TTC39C: variants seen among roughly 807,000 people sequenced by gnomAD.
The protein encoded by TTC39C is tetratricopeptide repeat protein 39C.
A neutral mutation model predicts 76.3 loss-of-function variants in TTC39C; 33 were observed. That is an observed-to-expected ratio of 0.43 (90% CI 0.33 to 0.58). The LOEUF is 0.58. Among genes scored for constraint, TTC39C ranks in the 20% least tolerant of loss-of-function variants. TTC39C has a pLI of 0.04. For synonymous variants in TTC39C, 254 were observed against 260.6 expected (o/e 0.97, Z 0.24); for missense variants, 595 against 701.4 (o/e 0.85, Z 1.71).
intron 1 of TTC39C, among the ~76,000 whole-genome samples, chr18:24,036,706 C>T (rs2083737211): frequency 6.6e-6 from 1 of 152,176 alleles, no homozygotes; most frequent in Admixed American, 6.5e-5. Flanking sequence ...TCACAGTCTA[C>T]TGCAGTCTTG....
At chr18:24,059,225 CTT>C (rs2084058185) in intron 1 of TTC39C, among the ~76,000 whole-genome samples, 1 of 151,958 alleles carries the variant, frequency 6.6e-6, no homozygotes, top group Admixed American at 6.6e-5. Flanking sequence ...TTTTAAAAAA[CTT>C]TTAAGTTCAG....
Position 24,075,931 on chromosome 18 carries a change from C to T in TTC39C, c.461-4654C>T, listed in dbSNP as rs73404242. ...CTTTCCCAGGGAAGACTTCTGTCCC[C>T]GTATGGGGCAGGGTTTCCTCTCGCC... On this transcript the variant is annotated intron_variant, in intron 4 of 13. Transcript: ENST00000317571. Among the ~76,000 whole-genome samples the T allele has an allele frequency of 7.5e-3, 1,140 of 152,248 alleles. 12 individuals are homozygous for T. Among genetic ancestry groups the T allele is most frequent in the African/African-American group, 0.026 (1,075 of 41,544 alleles).
chr18:24,103,574 G>A (rs537809554), intron 6 of TTC39C, among the ~76,000 whole-genome samples: 2 of 152,290 alleles, frequency 1.3e-5, no homozygotes, highest in South Asian at 2.1e-4. Context: ...CAAGGTCAGC[G>A]TCAGCTTTTA....
At chr18:24,017,075 T>G (rs2083462344) in intron 1 of TTC39C, among the ~76,000 whole-genome samples, 1 of 152,192 alleles carries the variant, frequency 6.6e-6, no homozygotes, top group East Asian at 1.9e-4. Context: ...TGTCATCTGC[T>G]CTGAGACCTT....
intron 4 of TTC39C, among the ~76,000 whole-genome samples, chr18:24,071,215 C>T (rs961631766): frequency 6.6e-6 from 1 of 152,182 alleles, no homozygotes; most frequent in African/African-American, 2.4e-5. Context: ...GTGTGAGCTG[C>T]CGTGCCCAGC....
At chr18:24,025,206 C>T (rs986717138) in intron 1 of TTC39C, among the ~76,000 whole-genome samples, 2 of 152,156 alleles carry the variant, frequency 1.3e-5, no homozygotes, top group African/African-American at 4.8e-5. Flanking sequence ...ATTTTCATGA[C>T]AGAAGTTTCA....
At chr18:24,114,471 G>A in intron 6 of TTC39C, 83 bp from the exon 7 acceptor site, 1 of 1,071,748 alleles carries the variant, frequency 9.3e-7, no homozygotes, top group Non-Finnish European at 1.4e-6. Context: ...TAACTATGAA[G>A]GAAAAAGATG....
At chr18:24,083,418 T>G (rs527575587) in intron 6 of TTC39C, among the ~76,000 whole-genome samples, 8 of 152,222 alleles carry the variant, frequency 5.3e-5, no homozygotes, top group Non-Finnish European at 8.8e-5. Context: ...TCTGAATTAC[T>G]AATAATCTCT....
intron 7 of TTC39C, 141 bp from the exon 8 acceptor site, chr18:24,117,984 T>C: frequency 3.6e-6 from 2 of 550,250 alleles, no homozygotes; most frequent in Non-Finnish European, 6.0e-6. Flanking sequence ...AAATAATTTC[T>C]TAGGTTTTCA....
intron 1 of TTC39C, among the ~76,000 whole-genome samples, chr18:23,995,535 T>C (rs1272132209): frequency 6.6e-6 from 1 of 152,152 alleles, no homozygotes; most frequent in South Asian, 2.1e-4. Context: ...TCACTCAGCA[T>C]AATGCACCTG....
intron 1 of TTC39C, among the ~76,000 whole-genome samples, chr18:24,023,923 A>C (rs2083546472): frequency 7.5e-6 from 1 of 132,990 alleles, no homozygotes. Context: ...AGAATGCCCA[A>C]ATAAAATTAC....
intron 6 of TTC39C, among the ~76,000 whole-genome samples, chr18:24,088,111 T>A (rs1169926230): frequency 6.6e-6 from 1 of 152,226 alleles, no homozygotes; most frequent in Non-Finnish European, 1.5e-5. Context: ...AAAAATGTCT[T>A]GATAATTGAA....
At chr18:24,051,980 C>G (rs2083956769) in intron 1 of TTC39C, among the ~76,000 whole-genome samples, 1 of 151,968 alleles carries the variant, frequency 6.6e-6, no homozygotes, top group Non-Finnish European at 1.5e-5. Flanking sequence ...TTGGGGACTT[C>G]CATTTATTCA....
At chr18:24,006,953 A>G (rs1209502309) in intron 1 of TTC39C, among the ~76,000 whole-genome samples, 1 of 152,170 alleles carries the variant, frequency 6.6e-6, no homozygotes, top group Non-Finnish European at 1.5e-5. Context: ...ACACAGTCGG[A>G]GCACCCAGTG....
In TTC39C at chr18:24,125,463, C is replaced by CTCTGTGTG; in HGVS notation, c.1335_1342dup (p.Leu448SerfsTer27). Reference sequence around the variant, plus strand: ...TCGGAAGCAAACCCCAACCAAAGCGCTCTGTGTGTTGGCGTCTATTGAAGT... The same window carrying CTCTGTGTG: ...TCGGAAGCAAACCCCAACCAAAGCGCTCTGTGTGTCTGTGTGTTGGCGTCTATTGAAGT... On this transcript the variant is annotated frameshift_variant, in exon 10 of 14. Coordinates refer to ENST00000317571, the MANE Select transcript of TTC39C (RefSeq NM_001135993.2). LOFTEE classifies it high-confidence loss of function. The CTCTGTGTG allele has an allele frequency of 1.2e-6, 2 of 1,614,182 alleles. No individual in the cohort carries two copies. Among genetic ancestry groups the CTCTGTGTG allele is most frequent in the Non-Finnish European group, 1.7e-6 (2 of 1,180,032 alleles).
intron 1 of TTC39C, among the ~76,000 whole-genome samples, chr18:24,003,620 G>T (rs2083330127): frequency 6.6e-6 from 1 of 151,896 alleles, no homozygotes; most frequent in Non-Finnish European, 1.5e-5. Context: ...TTCTTTGAGT[G>T]AACCACTGGT....
At chr18:24,033,188 G>A (rs1014502897) in intron 1 of TTC39C, among the ~76,000 whole-genome samples, 3 of 152,190 alleles carry the variant, frequency 2.0e-5, no homozygotes, top group African/African-American at 7.2e-5. Flanking sequence ...GGGGGGCGGC[G>A]GTTGCAGTGA....
intron 1 of TTC39C, among the ~76,000 whole-genome samples, chr18:24,046,504 G>GT (rs2083887211): frequency 6.6e-6 from 1 of 151,752 alleles, no homozygotes. Flanking sequence ...TTTTAACTTG[G>GT]TAGCGTTTTC....
intron 6 of TTC39C, among the ~76,000 whole-genome samples, chr18:24,095,070 G>T (rs369231112): frequency 6.6e-6 from 1 of 152,198 alleles, no homozygotes; most frequent in East Asian, 1.9e-4. Context: ...AATGATCTTA[G>T]CTAGATCTTC....
Sources: gnomAD v4.1 joint callset for allele counts (sites outside exome capture counted in the v4.1 genomes callset) on GRCh38, gnomAD v4.1.1 for gene constraint, MANE v1.5 for transcripts, NCBI Gene and HGNC (gene_info 2026-07-23, HGNC 2026-07-21) for gene names.